Variants in CCNB1IP1 observed in about 807,000 individuals in gnomAD.
CCNB1IP1 encodes the protein cyclin B1 interacting protein 1.
In CCNB1IP1, 14 loss-of-function variants were observed where a neutral mutation model predicts 25.6. The observed-to-expected ratio is 0.55, with a 90% CI of 0.36 to 0.85. The LOEUF (loss-of-function observed/expected upper bound fraction) is 0.85. Ranked by LOEUF, CCNB1IP1 falls within the 40% of genes least tolerant of loss-of-function variation. The probability of loss-of-function intolerance (pLI) is 0.01; values close to 1 mark genes in which losing one functional copy is unlikely to be tolerated. For synonymous variants in CCNB1IP1, 119 were observed against 116.1 expected (o/e 1.02, Z -0.16); for missense variants, 278 against 342.4 (o/e 0.81, Z 1.48).
intron 4 of CCNB1IP1, chr14:20,318,587 T>C (rs1311214334): frequency 1.3e-5 from 2 of 152,272 alleles, no homozygotes; most frequent in African/African-American, 2.4e-5. Context: ...GATTGCACTG[T>C]GCCAGTTTTA....
chr14:20,328,706 G>A (rs892016125), intron 2 of CCNB1IP1, among the ~76,000 whole-genome samples: 4 of 152,110 alleles, frequency 2.6e-5, no homozygotes, highest in Non-Finnish European at 5.9e-5. Context: ...GATTGCAAGA[G>A]GCCTGGTCTT....
At chr14:20,314,518 CAT>C (rs1882611732) in intron 5 of CCNB1IP1, 1 of 122,502 alleles carries the variant, frequency 8.2e-6, no homozygotes, top group Non-Finnish European at 1.9e-5. Flanking sequence ...CAGAAGATAA[CAT>C]AGGGTAAAAT....
intron 1 of CCNB1IP1, among the ~76,000 whole-genome samples, chr14:20,331,253 A>C (rs1270666409): frequency 6.6e-6 from 1 of 152,330 alleles, no homozygotes; most frequent in East Asian, 1.9e-4. Context: ...CCCTGTGAAT[A>C]CAAAGATGAC....
Position 20,313,780 on chromosome 14 carries a change from G to T in CCNB1IP1, c.319C>A (p.Gln107Lys), listed in dbSNP as rs771620717. ...TCAGCCTTGCTGAAATTGTATTCTT[G>T]ATAGAGACGTTCCTGATGTACCTGG... ...TYQVHQERLY[Q>K]EYNFSKAEGH... The change falls in exon 6 of 7, where the codon CAA becomes AAA. Residue 107 changes from glutamine (Q) to lysine (K), a missense_variant. Gln to Lys is a moderately conservative substitution (Grantham distance 53, BLOSUM62 1). Coordinates refer to ENST00000358932, the MANE Select transcript of CCNB1IP1 (RefSeq NM_021178.5). 4.4e-6 allele frequency: 7 copies of T among 1,583,480 alleles called. No homozygotes were observed. In the South Asian group the frequency reaches 8.1e-5, roughly 18 times the overall value.
intron 4 of CCNB1IP1, among the ~76,000 whole-genome samples, chr14:20,324,986 T>TC (rs1182460851): frequency 6.6e-6 from 1 of 151,984 alleles, no homozygotes; most frequent in Non-Finnish European, 1.5e-5. Context: ...ATTTTTTGTA[T>TC]TTTTTTAGTA....
Position 20,316,213 on chromosome 14 carries a change from G to A in CCNB1IP1, c.297+14C>T, listed in dbSNP as rs1481202060. 1 of 1,602,372 alleles carries A rather than the reference G, an allele frequency of 6.2e-7. No homozygotes were observed. The highest frequency in any genetic ancestry group is 8.5e-7 in the Non-Finnish European group (1 of 1,170,908). The stretch of plus-strand genomic sequence containing the variant: ...TAAATCACATGCTCAAGAGAAACTA[G>A]ACTAAGCACTAACCTGATATGTCCA... On this transcript the variant is annotated intron_variant, in intron 5 of 6. Transcript: ENST00000358932.
In CCNB1IP1 at chr14:20,312,708, T is replaced by C. The variant is rs539629353; in HGVS notation, c.631+760A>G. ...GTATAAAGGAGAGAGCTCAGGAAGATATGAGATTCATTCCGTCTGCAAGGC... is the reference window on the plus strand; with the variant it reads ...GTATAAAGGAGAGAGCTCAGGAAGACATGAGATTCATTCCGTCTGCAAGGC... On this transcript the variant is annotated intron_variant, in intron 6 of 6. Coordinates refer to ENST00000358932, the MANE Select transcript of CCNB1IP1 (RefSeq NM_021178.5). Among the ~76,000 whole-genome samples, 18 of 151,748 alleles carry C rather than the reference T, an allele frequency of 1.2e-4. No individual in the cohort carries two copies. The South Asian group carries it at 2.7e-3, about 23-fold the overall frequency.
intron 5 of CCNB1IP1, among the ~76,000 whole-genome samples, chr14:20,315,298 T>C (rs1201229346): frequency 6.6e-6 from 1 of 152,160 alleles, no homozygotes; most frequent in African/African-American, 2.4e-5. Context: ...CTGGCAAAGA[T>C]GTGGAGCAAC....
intron 4 of CCNB1IP1, among the ~76,000 whole-genome samples, chr14:20,325,045 T>G (rs1883025162): frequency 6.6e-6 from 1 of 151,848 alleles, no homozygotes; most frequent in Non-Finnish European, 1.5e-5. Flanking sequence ...ACTCCTGAGC[T>G]CAGACAATCC....
rs1355085594 is a variant in CCNB1IP1, at chr14:20,311,387, T to A, written c.*163A>T. ...ACAGTCTGTAAAGTTAGCTAAATTATCTTTATTTTTTTTTAGAAACAGGGT... is the reference window on the plus strand; with the variant it reads ...ACAGTCTGTAAAGTTAGCTAAATTAACTTTATTTTTTTTTAGAAACAGGGT... On this transcript the variant is annotated 3_prime_UTR_variant, in exon 7 of 7. Transcript: ENST00000358932. 5.8e-6 allele frequency: 3 copies of A among 520,778 alleles called. No homozygotes were observed. The highest frequency in any genetic ancestry group is 1.0e-5 in the Non-Finnish European group (3 of 292,464). 32.3% of individuals were successfully genotyped at this position (520,778 alleles called of 1,614,324 possible). A position where few individuals can be genotyped will look rare whatever the true frequency, so the allele number is the denominator to read the frequency against.
intron 4 of CCNB1IP1, among the ~76,000 whole-genome samples, chr14:20,317,186 G>C (rs1882731069): frequency 6.6e-6 from 1 of 151,968 alleles, no homozygotes; most frequent in African/African-American, 2.4e-5. Flanking sequence ...CAAGGCGGGC[G>C]GATCACGAGG....
rs774088761 is a variant in CCNB1IP1 at position 20,313,756 on chromosome 14, C to G, written c.343G>C (p.Glu115Gln). Reference protein sequence around the residue: ...LYQEYNFSKAEGHLKQMEKIY... With the variant: ...LYQEYNFSKAQGHLKQMEKIY... ...TTCTCCATCTGTTTCAGATGGCCCT[C>G]AGCCTTGCTGAAATTGTATTCTTGA... Residue 115 changes from glutamate to glutamine, a missense_variant, in exon 6 of 7, where the codon GAG becomes CAG. Glu to Gln is a conservative substitution (Grantham distance 29). Transcript: ENST00000358932. 3 of 1,602,494 alleles carry G rather than the reference C, an allele frequency of 1.9e-6. No individual in the cohort carries two copies. The highest frequency in any genetic ancestry group is 2.6e-6 in the Non-Finnish European group (3 of 1,174,730).
At chr14:20,320,324 A>G (rs1252559167) in intron 4 of CCNB1IP1, 2 of 455,908 alleles carry the variant, frequency 4.4e-6, no homozygotes, top group Non-Finnish European at 8.8e-6. Context: ...AGTGACCACG[A>G]CATTCAAGAA....
chr14:20,319,287 T>G (rs2138854845), intron 4 of CCNB1IP1, among the ~76,000 whole-genome samples: 1 of 152,362 alleles, frequency 6.6e-6, no homozygotes, highest in Non-Finnish European at 1.5e-5. Context: ...GTACATTTCC[T>G]AAAATATCTT....
intron 4 of CCNB1IP1, among the ~76,000 whole-genome samples, chr14:20,318,786 A>G (rs994792081): frequency 8.5e-5 from 13 of 152,106 alleles, no homozygotes; most frequent in Non-Finnish European, 1.8e-4. Flanking sequence ...TTTTCCAGAT[A>G]GGGTCTCACT....
At chr14:20,315,740 T>C (rs1184216432) in intron 5 of CCNB1IP1, 1 of 1,216,656 alleles carries the variant, frequency 8.2e-7, no homozygotes, top group African/African-American at 1.6e-5. Flanking sequence ...AATATGATTA[T>C]AGAATAGTTA....
chr14:20,316,111 AAG>A lies in CCNB1IP1; in HGVS notation c.297+114_297+115del, dbSNP rs147709299. 2.9e-3 allele frequency: 2,590 copies of A among 904,792 alleles called. 11 individuals are homozygous for A. The highest frequency in any genetic ancestry group is 0.016 in the African/African-American group (942 of 59,654). 56.0% of individuals were successfully genotyped at this position (904,792 alleles called of 1,614,324 possible). On this transcript the variant is annotated intron_variant, in intron 5 of 6. Coordinates refer to ENST00000358932, the MANE Select transcript of CCNB1IP1 (RefSeq NM_021178.5). ...TTGCTTTTGAAAACAATTTAATAAA[AAG>A]AGTTTCTCATATACTCATAAAAAAT...
At position 20,313,756 on chromosome 14, in the gene CCNB1IP1, C is replaced by T; in HGVS notation, c.343G>A (p.Glu115Lys). The change falls in exon 6 of 7, where the codon GAG (glutamate) becomes AAG (lysine). Residue 115 changes from glutamate (E) to lysine (K), a missense_variant. Transcript: ENST00000358932. ...TTCTCCATCTGTTTCAGATGGCCCT[C>T]AGCCTTGCTGAAATTGTATTCTTGA... ...LYQEYNFSKA[E>K]GHLKQMEKIY... The T allele has an allele frequency of 1.2e-6, 2 of 1,602,494 alleles. No individual in the cohort carries two copies. The highest frequency in any genetic ancestry group is 8.5e-7 in the Non-Finnish European group (1 of 1,174,730).
intron 2 of CCNB1IP1, among the ~76,000 whole-genome samples, chr14:20,328,584 T>G (rs1157412635): frequency 6.6e-6 from 1 of 151,514 alleles, no homozygotes; most frequent in Non-Finnish European, 1.5e-5. Flanking sequence ...ATAAATTTTT[T>G]TAAAAAGGAA....
Sources: allele counts gnomAD v4.1 joint callset (sites outside exome capture counted in the v4.1 genomes callset), GRCh38; gene constraint gnomAD v4.1.1; transcripts MANE v1.5; gene names NCBI Gene and HGNC (gene_info 2026-07-23, HGNC 2026-07-21).